Variants in NOXA1 observed in about 807,000 individuals in gnomAD.
NOXA1 encodes the protein NCF2-like protein.
Under a neutral mutation model 64.8 loss-of-function variants are expected in NOXA1, and 56 were observed. That is an observed-to-expected ratio of 0.86 (90% CI 0.70 to 1.08). NOXA1 has a LOEUF of 1.08. Among genes scored for constraint, NOXA1 ranks in the 50% least tolerant of loss-of-function variants. The pLI is 0.00. For synonymous variants in NOXA1, 295 were observed against 294.8 expected (o/e 1.00, Z -0.01); for missense variants, 668 against 658.5 (o/e 1.01, Z -0.16).
At chr9:137,433,718 C>T in intron 11 of NOXA1, 32 bp from the exon 12 acceptor site, 4 of 1,471,416 alleles carry the variant, frequency 2.7e-6, no homozygotes, top group South Asian at 2.7e-5. Context: ...AGGCCCCACC[C>T]AGGAGGCCCC....
rs980100813 is a variant in NOXA1 at position 137,423,806 on chromosome 9, C to T, written c.177+100C>T. 5 of 1,014,302 alleles carry T rather than the reference C, an allele frequency of 4.9e-6. No homozygotes were observed. In the African/African-American group the frequency reaches 5.1e-5, roughly 10 times the overall value. The allele number at this position is 1,014,302 out of a possible 1,614,324, so 62.8% of individuals were successfully genotyped here. Reference sequence around the variant, plus strand: ...CCCGACCGTCACGGGGTCGCCCTGCCGCCCCCGACCCAGCGAACGCCCCGG... The same window carrying T: ...CCCGACCGTCACGGGGTCGCCCTGCTGCCCCCGACCCAGCGAACGCCCCGG... On this transcript the variant is annotated intron_variant, in intron 1 of 13. Coordinates refer to ENST00000683555, the MANE Select transcript of NOXA1 (RefSeq NM_001256067.2).
chr9:137,428,316 G>A (rs1838928979), intron 3 of NOXA1, among the ~76,000 whole-genome samples, 175 bp downstream of exon 3: 1 of 152,100 alleles, frequency 6.6e-6, no homozygotes, highest in South Asian at 2.1e-4. Flanking sequence ...GGAGGTGGAG[G>A]GACCATTTTG....
chr9:137,430,705 G>A (rs1157809846), intron 5 of NOXA1, 79 bp from the exon 6 acceptor site: 2 of 1,296,466 alleles, frequency 1.5e-6, no homozygotes, highest in Non-Finnish European at 2.1e-6. Context: ...GAGCTGCGGG[G>A]CACGGTGGGG....
intron 2 of NOXA1, 88 bp downstream of exon 2, chr9:137,426,418 A>C: frequency 9.3e-7 from 1 of 1,077,860 alleles, no homozygotes; most frequent in Non-Finnish European, 1.4e-6. Context: ...CTCCCTCTCC[A>C]TCCACTCCCT....
intron 2 of NOXA1, 150 bp from the exon 3 acceptor site, chr9:137,427,883 G>T (rs924782592): frequency 6.6e-6 from 4 of 601,700 alleles, no homozygotes; most frequent in Non-Finnish European, 1.2e-5. Context: ...CACCAGACCT[G>T]AGTGTGCAGA....
At position 137,430,825 on chromosome 9, in the gene NOXA1, C is replaced by T; in HGVS notation, c.654C>T (p.Val218=). ...SAIPDDQGWG[V]RPQQPQGPGA... ...TCCCCGACGACCAGGGCTGGGGCGTCCGCCCTCAGCAGCCACAGGTGGGTT... is the reference window on the plus strand; with the variant it reads ...TCCCCGACGACCAGGGCTGGGGCGTTCGCCCTCAGCAGCCACAGGTGGGTT... Residue 218 remains valine, a synonymous_variant, in exon 6 of 14, where the codon GTC becomes GTT. Transcript: ENST00000683555. 6.3e-7 allele frequency: 1 copy of T among 1,589,336 alleles called. No homozygotes were observed. Among genetic ancestry groups the T allele is most frequent in the Admixed American group, 1.7e-5 (1 of 57,754 alleles).
chr9:137,423,503 C>T lies in NOXA1; in HGVS notation c.-27C>T, dbSNP rs747245205. 7 of 1,296,690 alleles carry T rather than the reference C, an allele frequency of 5.4e-6. No individual in the cohort carries two copies. The South Asian group carries it at 1.4e-4, about 25-fold the overall frequency. 80.3% of individuals were successfully genotyped at this position (1,296,690 alleles called of 1,614,324 possible). ...CCGGCCCCTCCGCGGGATCCTGGCC[C>T]CTCCTCGAGCGCCGCCACCGGCCGC... On this transcript the variant is annotated 5_prime_UTR_variant, in exon 1 of 14. Transcript: ENST00000683555.
At position 137,423,556 on chromosome 9, in the gene NOXA1, C is replaced by T. The variant is rs756029602; in HGVS notation, c.27C>T (p.Arg9=). MASLGDLV[R]AWHLGAQAVD... The stretch of plus-strand genomic sequence containing the variant: ...TGGCCTCTCTGGGGGACCTGGTGCG[C>T]GCCTGGCACCTGGGCGCGCAGGCTG... The change falls in exon 1 of 14, where the codon CGC becomes CGT. Residue 9 remains arginine (R), a synonymous_variant. Transcript: ENST00000683555. 6.9e-7 allele frequency: 1 copy of T among 1,447,714 alleles called. No individual in the cohort carries two copies. The highest frequency in any genetic ancestry group is 9.1e-7 in the Non-Finnish European group (1 of 1,097,964). The allele number at this position is 1,447,714 out of a possible 1,614,324, so 89.7% of individuals were successfully genotyped here. A position where few individuals can be genotyped will look rare whatever the true frequency, so the allele number is the denominator to read the frequency against.
rs1301371644 is a variant in NOXA1, at chr9:137,431,362, TC to T, written c.804+25del. 6.3e-7 allele frequency: 1 copy of T among 1,590,022 alleles called. No homozygotes were observed. Among genetic ancestry groups the T allele is most frequent in the Admixed American group, 1.7e-5 (1 of 59,864 alleles). ...AGCAGGTGCGTGGGCCTGGGCCTCT[TC>T]CCCTGCTGGGGGTCGGTGCTTCTGC... On this transcript the variant is annotated intron_variant, in intron 8 of 13. Coordinates refer to ENST00000683555, the MANE Select transcript of NOXA1 (RefSeq NM_001256067.2). This position sits in a 1 kb window ranked among gnomAD's most constrained non-coding sequence, Gnocchi z 5.6.
Position 137,431,163 on chromosome 9 carries a change from A to G in NOXA1, c.698+63A>G, listed in dbSNP as rs1159626242. ...TTCCTGCTGGGCAGAGGCCCTCCACATGGGGCCACGCGGGCCGGGCACAGG... is the reference window on the plus strand; with the variant it reads ...TTCCTGCTGGGCAGAGGCCCTCCACGTGGGGCCACGCGGGCCGGGCACAGG... On this transcript the variant is annotated intron_variant, in intron 7 of 13. Coordinates refer to ENST00000683555, the MANE Select transcript of NOXA1 (RefSeq NM_001256067.2). The surrounding 1 kb of genome is among the most constrained non-coding windows in gnomAD (Gnocchi z 5.6). The G allele has an allele frequency of 5.0e-6, 8 of 1,610,850 alleles. No individual in the cohort carries two copies. The African/African-American group carries it at 6.7e-5, about 13-fold the overall frequency.
chr9:137,423,799 G>C, intron 1 of NOXA1, 93 bp downstream of exon 1: 1 of 1,048,758 alleles, frequency 9.5e-7, no homozygotes, highest in Non-Finnish European at 1.2e-6. Context: ...TCACGGGGTC[G>C]CCCTGCCGCC....
At chr9:137,427,360 A>G (rs916391076) in intron 2 of NOXA1, among the ~76,000 whole-genome samples, 1 of 152,204 alleles carries the variant, frequency 6.6e-6, no homozygotes, top group South Asian at 2.1e-4. Context: ...TCAAAACACC[A>G]AGATGAACAA....
At chr9:137,429,562 T>TG (rs1411253072) in intron 5 of NOXA1, among the ~76,000 whole-genome samples, 179 bp downstream of exon 5, 1 of 152,154 alleles carries the variant, frequency 6.6e-6, no homozygotes, top group Non-Finnish European at 1.5e-5. Flanking sequence ...CAAATGGGGC[T>TG]GTGAGCTTGA....
chr9:137,428,582 C>G (rs536776018), intron 3 of NOXA1, among the ~76,000 whole-genome samples: 31 of 151,546 alleles, frequency 2.0e-4, no homozygotes, highest in Admixed American at 6.6e-4. Context: ...AGGGAAAGCC[C>G]ACTGGTGTGG....
Position 137,431,475 on chromosome 9 carries a change from C to G in NOXA1, c.804+134C>G. 1 of 753,176 alleles carries G rather than the reference C, an allele frequency of 1.3e-6. No homozygotes were observed. The highest frequency in any genetic ancestry group is 2.2e-6 in the Non-Finnish European group (1 of 457,836). The allele number at this position is 753,176 out of a possible 1,614,324, so 46.7% of individuals were successfully genotyped here. A position where few individuals can be genotyped will look rare whatever the true frequency, so the allele number is the denominator to read the frequency against. The stretch of plus-strand genomic sequence containing the variant: ...GGGGGTAGACGGGGCCGGGCTCACC[C>G]GTGGTCCTGGCCCAGCCCAGCCAGA... On this transcript the variant is annotated intron_variant, in intron 8 of 13. Transcript: ENST00000683555. This position sits in a 1 kb window ranked among gnomAD's most constrained non-coding sequence, Gnocchi z 5.6.
rs771279656 is a variant in NOXA1, at chr9:137,433,252, G to C, written c.898G>C (p.Ala300Pro). The C allele has an allele frequency of 6.3e-7, 1 of 1,591,812 alleles. No homozygotes were observed. Among genetic ancestry groups the C allele is most frequent in the South Asian group, 1.1e-5 (1 of 88,766 alleles). ...GPGPGPCEDP[A>P]GAGGAGAGGS... The stretch of plus-strand genomic sequence containing the variant: ...TGGCCCCGGCCCCTGTGAGGACCCC[G>C]CGGGTGCTGGGGTAAGAGGCTCTAG... The change falls in exon 10 of 14, where the codon GCG becomes CCG. Residue 300 changes from alanine (A) to proline (P), a missense_variant. Physicochemically the swap from Ala to Pro is conservative, Grantham distance 27 (BLOSUM62 -1). Coordinates refer to ENST00000683555, the MANE Select transcript of NOXA1 (RefSeq NM_001256067.2).
chr9:137,424,046 A>T (rs2131866007), intron 1 of NOXA1, among the ~76,000 whole-genome samples: 1 of 152,136 alleles, frequency 6.6e-6, no homozygotes, highest in East Asian at 1.9e-4. Flanking sequence ...TCCTCCTCAG[A>T]GCCCTCAGCC....
chr9:137,428,745 G>A lies in NOXA1; in HGVS notation c.370-137G>A, dbSNP rs1242327690. 28 of 763,870 alleles carry A rather than the reference G, an allele frequency of 3.7e-5. No homozygotes were observed. In the African/African-American group the frequency reaches 5.5e-4, roughly 15 times the overall value. 47.3% of individuals were successfully genotyped at this position (763,870 alleles called of 1,614,324 possible). A position where few individuals can be genotyped will look rare whatever the true frequency, so the allele number is the denominator to read the frequency against. Reference sequence around the variant, plus strand: ...GGGACTGGGGGAGAGGCTGGGTGGGGGGATGGGGGAGGGGCCAGGTGGGGG... The same window carrying A: ...GGGACTGGGGGAGAGGCTGGGTGGGAGGATGGGGGAGGGGCCAGGTGGGGG... On this transcript the variant is annotated intron_variant, in intron 3 of 13. Transcript: ENST00000683555.
chr9:137,429,858 G>C (rs1390262891), intron 5 of NOXA1, among the ~76,000 whole-genome samples: 1 of 101,724 alleles, frequency 9.8e-6, no homozygotes, highest in Non-Finnish European at 2.0e-5. Context: ...CCGGGGGGGG[G>C]GGGTCCCTGC....
Sources: allele counts gnomAD v4.1 joint callset (sites outside exome capture counted in the v4.1 genomes callset), GRCh38; gene constraint gnomAD v4.1.1; non-coding constraint Gnocchi (gnomAD v3.1); transcripts MANE v1.5; gene names NCBI Gene and HGNC (gene_info 2026-07-23, HGNC 2026-07-21).